Variants in PIK3R3 observed in about 807,000 individuals in gnomAD.
PIK3R3 encodes phosphoinositide-3-kinase regulatory subunit 3.
Under a neutral mutation model 62.9 loss-of-function variants are expected in PIK3R3, and 64 were observed. The ratio of observed to expected loss-of-function variants is 1.02; its 90% CI spans 0.83 to 1.25. The LOEUF is 1.25. Among genes scored for constraint, PIK3R3 ranks in the 50% most tolerant of loss-of-function variants. The probability of loss-of-function intolerance (pLI) is 0.00; values close to 1 mark genes in which losing one functional copy is unlikely to be tolerated. For synonymous variants in PIK3R3, 165 were observed against 189.0 expected (o/e 0.87, Z 1.04); for missense variants, 614 against 561.6 (o/e 1.09, Z -0.94).
In PIK3R3 at chr1:46,132,068, G is replaced by A. The variant is rs1408630137; in HGVS notation, c.-116C>T. The stretch of plus-strand genomic sequence containing the variant: ...AGTTCCACACGGAAATGTACTTCGG[G>A]TTTTCCAACGGCCAGTACCAGTCCG... On this transcript the variant is annotated 5_prime_UTR_variant, in exon 1 of 10. Coordinates refer to ENST00000262741, the MANE Select transcript of PIK3R3 (RefSeq NM_003629.4). 3.4e-6 allele frequency: 5 copies of A among 1,469,542 alleles called. No homozygotes were observed. Among genetic ancestry groups the A allele is most frequent in the Middle Eastern group, 2.2e-4 (1 of 4,566 alleles). The allele number at this position is 1,469,542 out of a possible 1,614,324, so 91.0% of individuals were successfully genotyped here.
At chr1:46,089,062 T>C (rs542365471) in intron 1 of PIK3R3, among the ~76,000 whole-genome samples, 2 of 152,296 alleles carry the variant, frequency 1.3e-5, no homozygotes, top group South Asian at 4.1e-4. Context: ...TTTTCAGATA[T>C]ACAAGATCTC....
chr1:46,059,870 C>T (rs370845132), intron 6 of PIK3R3, among the ~76,000 whole-genome samples: 4 of 152,192 alleles, frequency 2.6e-5, no homozygotes, highest in African/African-American at 7.2e-5. Flanking sequence ...GAGGCCAAGG[C>T]GGGCAGATCA....
intron 3 of PIK3R3, among the ~76,000 whole-genome samples, chr1:46,071,757 A>AGAGAGAGAGAGAGAGAGAGAGCGAGC (rs1230737377): frequency 1.6e-5 from 2 of 128,252 alleles, no homozygotes; most frequent in African/African-American, 6.0e-5. Flanking sequence ...AGAGAGAGAG[A>AGAGAGAGAGAGAGAGAGAGAGCGAGC]GAGCGCGCGC....
At chr1:46,102,875 T>C (rs781660345) in intron 1 of PIK3R3, among the ~76,000 whole-genome samples, 1 of 148,344 alleles carries the variant, frequency 6.7e-6, no homozygotes. Flanking sequence ...AGCAGACCTA[T>C]GTTCACAGGA....
At chr1:46,151,714 G>A in the PIK3R3 span, among the ~76,000 whole-genome samples, 1 of 152,278 alleles carries the variant, frequency 6.6e-6, no homozygotes, top group East Asian at 1.9e-4. Context: ...AGCTTATCCA[G>A]TGTTCTGCTT....
At chr1:46,050,985 T>C (rs1235133080) in intron 7 of PIK3R3, among the ~76,000 whole-genome samples, 4 of 152,200 alleles carry the variant, frequency 2.6e-5, no homozygotes, top group Non-Finnish European at 5.9e-5. Context: ...ATATGAAATG[T>C]CCAGAATAGA....
rs1647006037 is a variant in PIK3R3, at chr1:46,041,999, C to T, written c.*1674G>A. 1 of 221,842 alleles carries T rather than the reference C, an allele frequency of 4.5e-6. No individual in the cohort carries two copies. Among genetic ancestry groups the T allele is most frequent in the Admixed American group, 5.8e-5 (1 of 17,382 alleles). 13.7% of individuals were successfully genotyped at this position (221,842 alleles called of 1,614,324 possible). ...ACCCCCAGAACTAGAGCTTTCCTAG[C>T]TGTAAGCCTTATAAACCAAGATGCA... On this transcript the variant is annotated 3_prime_UTR_variant, in exon 10 of 10. Transcript: ENST00000262741.
At chr1:46,074,742 T>C (rs181742332) in intron 3 of PIK3R3, among the ~76,000 whole-genome samples, 1 of 152,250 alleles carries the variant, frequency 6.6e-6, no homozygotes, top group East Asian at 1.9e-4. Flanking sequence ...CATCAGAATT[T>C]AGGAGCTCAA....
intron 1 of PIK3R3, among the ~76,000 whole-genome samples, chr1:46,118,746 G>A (rs940700957): frequency 1.3e-5 from 2 of 151,814 alleles, no homozygotes; most frequent in Non-Finnish European, 2.9e-5. Context: ...AGTAGAGACA[G>A]GGTTTTGTCA....
At chr1:46,139,120 A>G in the PIK3R3 span, 1 of 152,218 alleles carries the variant, frequency 6.6e-6, no homozygotes, top group African/African-American at 2.4e-5. Context: ...AGATTAATTA[A>G]ATGTTAATGG....
chr1:46,133,231 A>G (rs1355642), upstream of PIK3R3, among the ~76,000 whole-genome samples: 72,103 of 152,122 alleles, frequency 0.47, 17,196 homozygotes, highest in East Asian at 0.62. Context: ...AGAAAGAAAG[A>G]AAGGAAGAAA....
At position 46,045,967 on chromosome 1, in the gene PIK3R3, A is replaced by T; in HGVS notation, c.1138T>A (p.Phe380Ile). The T allele has an allele frequency of 6.2e-7, 1 of 1,613,736 alleles. No individual in the cohort carries two copies. The highest frequency in any genetic ancestry group is 8.5e-7 in the Non-Finnish European group (1 of 1,179,842). The change falls in exon 9 of 10, where the codon TTC (phenylalanine) becomes ATC (isoleucine). Residue 380 changes from phenylalanine to isoleucine, a missense_variant. By Grantham distance (21) the Phe-to-Ile change is conservative. Coordinates refer to ENST00000262741, the MANE Select transcript of PIK3R3 (RefSeq NM_003629.4). ...TTCTTGCTACTCTCACGAATTAAGAATGCACCATCAGGTTTCCCATAAAGC... is the reference window on the plus strand; with the variant it reads ...TTCTTGCTACTCTCACGAATTAAGATTGCACCATCAGGTTTCCCATAAAGC... The part of the protein sequence containing the change: ...DLLYGKPDGA[F>I]LIRESSKKGC...
the PIK3R3 span, among the ~76,000 whole-genome samples, chr1:46,173,043 A>T: frequency 6.6e-6 from 1 of 152,096 alleles, no homozygotes; most frequent in Non-Finnish European, 1.5e-5. Context: ...AAAAGGAGAT[A>T]TGAGTATCAT....
At chr1:46,142,622 C>G in the PIK3R3 span, among the ~76,000 whole-genome samples, 3 of 151,664 alleles carry the variant, frequency 2.0e-5, no homozygotes, top group Non-Finnish European at 4.4e-5. Flanking sequence ...GGTGTGAACC[C>G]GGGAGGCGGA....
chr1:46,044,152 T>G lies in PIK3R3; in HGVS notation c.1188-281A>C, dbSNP rs1373426372. On this transcript the variant is annotated intron_variant, in intron 9 of 9. Transcript: ENST00000262741. The surrounding 1 kb of genome is among the most constrained non-coding windows in gnomAD (Gnocchi z 4.2). ...GTACAGTGGCTTGATTACAGCTCAC[T>G]GCAGCCTTGAACTCCTGGGCTCAAG... Among the ~76,000 whole-genome samples, 2 of 151,988 alleles carry G rather than the reference T, an allele frequency of 1.3e-5. No homozygotes were observed. Among genetic ancestry groups the G allele is most frequent in the African/African-American group, 4.8e-5 (2 of 41,386 alleles).
chr1:46,060,506 A>G (rs1028561096), intron 6 of PIK3R3, among the ~76,000 whole-genome samples: 1 of 152,204 alleles, frequency 6.6e-6, no homozygotes, highest in African/African-American at 2.4e-5. Flanking sequence ...ATAAATAAAT[A>G]ATTATCATTT....
intron 1 of PIK3R3, among the ~76,000 whole-genome samples, chr1:46,109,660 C>G (rs960743445): frequency 1.6e-4 from 25 of 151,770 alleles, no homozygotes; most frequent in African/African-American, 5.6e-4. Context: ...GTTTTTTTGC[C>G]TTTTTAGTAG....
intron 1 of PIK3R3, among the ~76,000 whole-genome samples, chr1:46,128,838 T>C (rs1655316408): frequency 1.3e-5 from 2 of 152,156 alleles, no homozygotes; most frequent in Non-Finnish European, 2.9e-5. Flanking sequence ...CCCAGCACTT[T>C]GGGAGGCCGA....
chr1:46,142,709 A>T, the PIK3R3 span, among the ~76,000 whole-genome samples: 1 of 152,106 alleles, frequency 6.6e-6, no homozygotes, highest in South Asian at 2.1e-4. Context: ...AAATAAAAAA[A>T]AAAAGAAAAG....
Sources: gnomAD v4.1 joint callset for allele counts (sites outside exome capture counted in the v4.1 genomes callset) on GRCh38, gnomAD v4.1.1 for gene constraint, Gnocchi (gnomAD v3.1) non-coding constraint, MANE v1.5 for transcripts, NCBI Gene and HGNC (gene_info 2026-07-23, HGNC 2026-07-21) for gene names.